The following VWA8 variants were observed in gnomAD, a reference collection of about 807,000 sequenced individuals.
VWA8 encodes von Willebrand factor A domain-containing protein 8.
Under a neutral mutation model 241.5 loss-of-function variants are expected in VWA8, and 221 were observed. The observed-to-expected ratio is 0.91, with a 90% CI of 0.82 to 1.02. The LOEUF is 1.02. Among genes scored for constraint, VWA8 ranks in the 50% least tolerant of loss-of-function variants. The probability of loss-of-function intolerance (pLI) is 0.00; values close to 1 mark genes in which losing one functional copy is unlikely to be tolerated. For missense variants in VWA8, 2,322 were observed against 2,328.7 expected, an observed-to-expected ratio of 1.00 and a Z score of 0.06; for synonymous variants, 852 against 827.1, an observed-to-expected ratio of 1.03 and a Z score of -0.52.
chr13:41,659,642 G>C (rs1042690351), intron 37 of VWA8, among the ~76,000 whole-genome samples: 1 of 152,114 alleles, frequency 6.6e-6, no homozygotes, highest in Non-Finnish European at 1.5e-5. Flanking sequence ...TATTCAAATA[G>C]AGTATCTTAC....
chr13:41,887,790 T>C (rs572843616), intron 5 of VWA8, among the ~76,000 whole-genome samples: 11 of 152,362 alleles, frequency 7.2e-5, no homozygotes, highest in African/African-American at 2.4e-4. Context: ...TAGCAAAGCA[T>C]ATTACTAGCA....
At chr13:41,648,936 C>T (rs1301576814) in intron 37 of VWA8, among the ~76,000 whole-genome samples, 1 of 152,196 alleles carries the variant, frequency 6.6e-6, no homozygotes, top group Non-Finnish European at 1.5e-5. Context: ...GTAATCCCAG[C>T]ATTTTGGGAG....
At chr13:41,937,536 C>T (rs561056999) in intron 2 of VWA8, among the ~76,000 whole-genome samples, 6 of 152,278 alleles carry the variant, frequency 3.9e-5, no homozygotes, top group Admixed American at 3.3e-4. Context: ...GTGGTAATGC[C>T]AGCAAGGTGG....
At chr13:41,689,232 CTT>C in intron 34 of VWA8, 120 bp downstream of exon 34, 1 of 1,111,322 alleles carries the variant, frequency 9.0e-7, no homozygotes. Context: ...GGAAGGAAGA[CTT>C]GATCCAACAT....
chr13:41,866,302 T>C (rs866960452), intron 10 of VWA8, among the ~76,000 whole-genome samples: 2 of 151,558 alleles, frequency 1.3e-5, no homozygotes, highest in African/African-American at 2.4e-5. Context: ...TGAGCCAAGA[T>C]TGCGCCACTG....
At chr13:41,803,846 T>A (rs1870068394) in intron 17 of VWA8, among the ~76,000 whole-genome samples, 1 of 152,204 alleles carries the variant, frequency 6.6e-6, no homozygotes, top group Admixed American at 6.5e-5. Flanking sequence ...ATTGAAATAA[T>A]TTTTAAAAAT....
At chr13:41,728,956 T>C (rs1283726796) in intron 23 of VWA8, among the ~76,000 whole-genome samples, 2 of 152,084 alleles carry the variant, frequency 1.3e-5, no homozygotes, top group East Asian at 3.8e-4. Flanking sequence ...AATTAGAAAA[T>C]GTTCTTACAT....
At chr13:41,709,770 TC>T (rs371570837) in intron 26 of VWA8, among the ~76,000 whole-genome samples, 54 of 98,290 alleles carry the variant, frequency 5.5e-4, no homozygotes, top group Admixed American at 7.0e-4. Context: ...TGTCTCTCTC[TC>T]TTTTTTTTTT....
chr13:41,924,377 C>CAGAAACAGG lies in VWA8; in HGVS notation c.242-12210_242-12209insCCTGTTTCT, dbSNP rs1454356101. ...CAGTCAAAAGAAACAGAAACAGAAA[C>CAGAAACAGG]AGGAGAGAAGAGAGGAGGGGAAGGG... On this transcript the variant is annotated intron_variant, in intron 2 of 44. Coordinates refer to ENST00000379310, the MANE Select transcript of VWA8 (RefSeq NM_015058.2). 1.9e-3 allele frequency among the ~76,000 whole-genome samples: 239 copies of CAGAAACAGG among 126,230 alleles called. 2 individuals carry two copies. The highest frequency in any genetic ancestry group is 6.9e-3 in the African/African-American group (219 of 31,936). The allele number at this position is 126,230 out of a possible 152,430, so 82.8% of individuals were successfully genotyped here.
At chr13:41,944,820 A>G (rs1877777036) in intron 2 of VWA8, among the ~76,000 whole-genome samples, 1 of 140,430 alleles carries the variant, frequency 7.1e-6, no homozygotes, top group African/African-American at 2.7e-5. Flanking sequence ...AACTCGGGGC[A>G]TTTGTCAAAA....
intron 34 of VWA8, among the ~76,000 whole-genome samples, chr13:41,685,989 T>A (rs575665060): frequency 6.6e-6 from 1 of 152,316 alleles, no homozygotes; most frequent in East Asian, 1.9e-4. Flanking sequence ...GTCCTTAGCC[T>A]ATCAGGAATT....
At chr13:41,736,675 A>C (rs960661456) in intron 21 of VWA8, among the ~76,000 whole-genome samples, 1 of 152,086 alleles carries the variant, frequency 6.6e-6, no homozygotes, top group Non-Finnish European at 1.5e-5. Context: ...AAGACACATA[A>C]GAGTTTCATA....
intron 42 of VWA8, among the ~76,000 whole-genome samples, chr13:41,581,149 C>T (rs900617896): frequency 4.7e-5 from 6 of 127,162 alleles, no homozygotes; most frequent in Admixed American, 7.8e-5. Flanking sequence ...TACAGGCGCC[C>T]GCCACCTCGC....
chr13:41,719,784 T>C (rs377046694), intron 25 of VWA8, 42 bp from the exon 26 acceptor site: 264 of 1,529,884 alleles, frequency 1.7e-4, no homozygotes, highest in Non-Finnish European at 2.2e-4. Flanking sequence ...TGTGATAAAA[T>C]ATACAACATT....
In VWA8 at chr13:41,654,199, A is replaced by G. The variant is rs146103355; in HGVS notation, c.4611+16747T>C. On this transcript the variant is annotated intron_variant, in intron 37 of 44. Coordinates refer to ENST00000379310, the MANE Select transcript of VWA8 (RefSeq NM_015058.2). ...ATAATAACTGATTCAAGCAAGAATC[A>G]TGAACAGATGATAAAATTAATGGAT... Among the ~76,000 whole-genome samples, 258 of 152,346 alleles carry G rather than the reference A, an allele frequency of 1.7e-3. 1 individual carries two copies. Among genetic ancestry groups the G allele is most frequent in the African/African-American group, 5.9e-3 (247 of 41,584 alleles).
intron 12 of VWA8, among the ~76,000 whole-genome samples, chr13:41,852,404 T>C (rs1296793878): frequency 6.6e-6 from 1 of 152,186 alleles, no homozygotes; most frequent in Non-Finnish European, 1.5e-5. Context: ...TCTCTGTTGA[T>C]TGTTGGCTTT....
intron 1 of VWA8, among the ~76,000 whole-genome samples, chr13:41,960,621 G>A (rs1878566057): frequency 6.6e-6 from 1 of 152,256 alleles, no homozygotes. Flanking sequence ...AGAAACCTTA[G>A]TCCAGACCCC....
chr13:41,767,200 T>C (rs1296496434), intron 20 of VWA8, among the ~76,000 whole-genome samples: 1 of 152,184 alleles, frequency 6.6e-6, no homozygotes, highest in Non-Finnish European at 1.5e-5. Context: ...CCCACATTAA[T>C]GTCATTAACA....
At chr13:41,609,931 A>T (rs2044576781) in intron 39 of VWA8, among the ~76,000 whole-genome samples, 1 of 152,156 alleles carries the variant, frequency 6.6e-6, no homozygotes, top group African/African-American at 2.4e-5. Context: ...GATGCCCCTT[A>T]CTTCTTCCCC....
Sources: allele counts gnomAD v4.1 joint callset (sites outside exome capture counted in the v4.1 genomes callset), GRCh38; gene constraint gnomAD v4.1.1; transcripts MANE v1.5; gene names NCBI Gene and HGNC (gene_info 2026-07-23, HGNC 2026-07-21).